CDH17: variants seen among roughly 807,000 people sequenced by gnomAD.
The protein encoded by CDH17 is cadherin-17.
In CDH17, 67 loss-of-function variants were observed where a neutral mutation model predicts 86.3. The ratio of observed to expected loss-of-function variants is 0.78; its 90% confidence interval spans 0.64 to 0.95. The LOEUF is 0.95. Ranked by LOEUF, CDH17 falls within the 40% of genes least tolerant of loss-of-function variation. The pLI is 0.00. For missense variants in CDH17, 993 were observed against 1,017.6 expected, an observed-to-expected ratio of 0.98 and a Z score of 0.33; for synonymous variants, 367 against 366.4, an observed-to-expected ratio of 1.00 and a Z score of -0.02.
At chr8:94,130,851 G>A (rs970691362) in intron 16 of CDH17, 25 bp downstream of exon 16, 2 of 1,528,190 alleles carry the variant, frequency 1.3e-6, no homozygotes, top group Middle Eastern at 3.4e-4. Flanking sequence ...ATACTAGCCT[G>A]AGTTGCCTAT....
intron 4 of CDH17, 75 bp from the exon 5 acceptor site, chr8:94,176,754 A>T: frequency 6.9e-7 from 1 of 1,456,180 alleles, no homozygotes; most frequent in Non-Finnish European, 9.3e-7. Context: ...ACTTGAAGGA[A>T]ATTAGAACTC....
At chr8:94,190,849 C>T (rs1813674534) in intron 2 of CDH17, among the ~76,000 whole-genome samples, 2 of 152,130 alleles carry the variant, frequency 1.3e-5, no homozygotes, top group Non-Finnish European at 2.9e-5. Flanking sequence ...ATGCTAGATC[C>T]CTCAGTCTGG....
rs1403624959 is a variant in CDH17 at position 94,161,426 on chromosome 8, A to C, written c.1359+660T>G. On this transcript the variant is annotated intron_variant, in intron 11 of 17. Coordinates refer to ENST00000027335, the MANE Select transcript of CDH17 (RefSeq NM_004063.4). ...TCAAAAATAACATAACAGTCTAGTC[A>C]AATAGGCTTCTTGCTCCTTCAAAAT... is the stretch of plus-strand genomic sequence containing the variant. Among the ~76,000 whole-genome samples, 8 of 152,238 alleles carry C rather than the reference A, an allele frequency of 5.3e-5. 1 individual carries two copies. The highest frequency in any genetic ancestry group is 1.2e-4 in the Non-Finnish European group (8 of 68,046).
intron 5 of CDH17, 84 bp downstream of exon 5, chr8:94,176,457 T>A (rs1813375519): frequency 7.0e-7 from 1 of 1,423,854 alleles, no homozygotes; most frequent in African/African-American, 1.4e-5. Context: ...GAGTGACAGC[T>A]GCAGCTATTA....
intron 5 of CDH17, 62 bp from the exon 6 acceptor site, chr8:94,174,322 C>T (rs1019628012): frequency 4.7e-6 from 7 of 1,486,258 alleles, no homozygotes; most frequent in African/African-American, 1.4e-5. Context: ...CCCAAACCAA[C>T]CATAGCTACT....
At chr8:94,205,065 A>G (rs1813998714) in intron 1 of CDH17, among the ~76,000 whole-genome samples, 1 of 152,216 alleles carries the variant, frequency 6.6e-6, no homozygotes, top group Admixed American at 6.5e-5. Context: ...ATGGAACACT[A>G]GGCATAAATG....
intron 1 of CDH17, among the ~76,000 whole-genome samples, chr8:94,216,005 TGGCCCCTC>T (rs1814189135): frequency 6.6e-6 from 1 of 152,180 alleles, no homozygotes; most frequent in South Asian, 2.1e-4. Flanking sequence ...GTGGGCATAA[TGGCCCCTC>T]AGCCCCTCTG....
chr8:94,213,078 G>A (rs1814146778), upstream of CDH17, among the ~76,000 whole-genome samples: 1 of 152,220 alleles, frequency 6.6e-6, no homozygotes, highest in Non-Finnish European at 1.5e-5. Context: ...CTGGGCGTAA[G>A]TAATCCTCCT....
At position 94,165,858 on chromosome 8, in the gene CDH17, T is replaced by A; in HGVS notation, c.1185A>T (p.Leu395=). 6.2e-7 allele frequency: 1 copy of A among 1,613,824 alleles called. No homozygotes were observed. Among genetic ancestry groups the A allele is most frequent in the Non-Finnish European group, 8.5e-7 (1 of 1,179,748 alleles). The change falls in exon 10 of 18, where the codon CTA becomes CTT. Residue 395 remains leucine, a synonymous_variant. Transcript: ENST00000027335. ...GTAACATTCCAGCATAGGTTTGGAT[T>A]AGGAAGAGTCCATCCATGGGAAGTT... The part of the protein sequence containing the change: ...TPKLPMDGLF[L]IQTYAGMLQL...
rs982781474 is a variant in CDH17 at position 94,127,369 on chromosome 8, G to T, written c.*871C>A. On this transcript the variant is annotated 3_prime_UTR_variant, in exon 18 of 18. Coordinates refer to ENST00000027335, the MANE Select transcript of CDH17 (RefSeq NM_004063.4). ...TCCTTTACCAAGGTTTGCAGAGTAGGTTGTGTTTGAACACCTTCTGTGGGT... is the reference window on the plus strand; with the variant it reads ...TCCTTTACCAAGGTTTGCAGAGTAGTTTGTGTTTGAACACCTTCTGTGGGT... The T allele has an allele frequency of 2.6e-5, 4 of 152,254 alleles. No homozygotes were observed. The highest frequency in any genetic ancestry group is 6.5e-5 in the Admixed American group (1 of 15,290). The allele number at this position is 152,254 out of a possible 1,614,324, so 9.4% of individuals were successfully genotyped here.
intron 13 of CDH17, 104 bp from the exon 14 acceptor site, chr8:94,148,978 G>T: frequency 3.5e-6 from 3 of 851,776 alleles, no homozygotes; most frequent in East Asian, 2.8e-5. Context: ...CTTGAAATAT[G>T]TTGTAAATAA....
chr8:94,152,101 A>C lies in CDH17; in HGVS notation c.1563T>G (p.Phe521Leu), dbSNP rs1326971618. 1 of 1,613,938 alleles carries C rather than the reference A, an allele frequency of 6.2e-7. No homozygotes were observed. Among genetic ancestry groups the C allele is most frequent in the Non-Finnish European group, 8.5e-7 (1 of 1,179,948 alleles). The change falls in exon 13 of 18, where the codon TTT (phenylalanine) becomes TTG (leucine). Residue 521 changes from phenylalanine to leucine, a missense_variant. Coordinates refer to ENST00000027335, the MANE Select transcript of CDH17 (RefSeq NM_004063.4). ...CAATGTTGGAAACAGCTGCTGTTTC[A>C]AAATCAAGAGGCTGTGTAGGAGAAA... The part of the protein sequence containing the change: ...GYVIIKKPLD[F>L]ETAAVSNIVF...
intron 9 of CDH17, among the ~76,000 whole-genome samples, chr8:94,167,301 G>A (rs1472115089): frequency 6.6e-6 from 1 of 152,150 alleles, no homozygotes; most frequent in Admixed American, 6.5e-5. Context: ...TCTGGGAGGT[G>A]GGAATTGTAG....
Position 94,148,806 on chromosome 8 carries a change from A to G in CDH17, c.1865T>C (p.Val622Ala), listed in dbSNP as rs1462868100. Residue 622 changes from valine (V) to alanine (A), a missense_variant, in exon 14 of 18, where the codon GTG becomes GCG. Val to Ala is a moderately conservative substitution (Grantham distance 64). Coordinates refer to ENST00000027335, the MANE Select transcript of CDH17 (RefSeq NM_004063.4). Reference sequence around the variant, plus strand: ...TCCGGCTTCTCTGTCCAATGGAGCCACACTAAAGATCTCACCAGTCACGTG... The same window carrying G: ...TCCGGCTTCTCTGTCCAATGGAGCCGCACTAAAGATCTCACCAGTCACGTG... ...IDHVTGEIFS[V>A]APLDREAGSP... 1.9e-6 allele frequency: 3 copies of G among 1,601,930 alleles called. No homozygotes were observed. The highest frequency in any genetic ancestry group is 3.4e-5 in the Admixed American group (2 of 58,426).
intron 7 of CDH17, 60 bp downstream of exon 7, chr8:94,173,737 T>C: frequency 7.8e-7 from 1 of 1,279,410 alleles, no homozygotes; most frequent in Non-Finnish European, 1.1e-6. Context: ...AGGGTGGGTC[T>C]CTACAAAGTG....
At chr8:94,148,683 C>G in intron 14 of CDH17, 61 bp downstream of exon 14, 1 of 1,395,082 alleles carries the variant, frequency 7.2e-7, no homozygotes, top group Non-Finnish European at 9.4e-7. Context: ...CCCATTTCAA[C>G]CCATGTATCT....
upstream of CDH17, among the ~76,000 whole-genome samples, chr8:94,212,765 A>G (rs1366309614): frequency 2.6e-5 from 4 of 152,204 alleles, no homozygotes; most frequent in African/African-American, 9.6e-5. Context: ...TTCCAGGAAG[A>G]TTTTTAACTT....
chr8:94,212,319 T>G (rs1814135906), upstream of CDH17, among the ~76,000 whole-genome samples: 1 of 151,746 alleles, frequency 6.6e-6, no homozygotes, highest in Non-Finnish European at 1.5e-5. Context: ...CCATATCCCA[T>G]TTTTTTTGTA....
chr8:94,179,677 C>T (rs1032698185), intron 3 of CDH17, among the ~76,000 whole-genome samples: 2 of 152,192 alleles, frequency 1.3e-5, no homozygotes, highest in South Asian at 2.1e-4. Context: ...TTGGTAAACA[C>T]CAGGAGACTT....
Sources: gnomAD v4.1 joint callset for allele counts (sites outside exome capture counted in the v4.1 genomes callset) on GRCh38, gnomAD v4.1.1 for gene constraint, MANE v1.5 for transcripts, NCBI Gene and HGNC (gene_info 2026-07-23, HGNC 2026-07-21) for gene names.